TMPRSS7: variants seen among roughly 807,000 people sequenced by gnomAD.
The protein encoded by TMPRSS7 is transmembrane serine protease 7, also known as transmembrane protease serine 7.
A neutral mutation model predicts 95.6 loss-of-function variants in TMPRSS7; 81 were observed. The ratio of observed to expected loss-of-function variants is 0.85; its 90% CI spans 0.71 to 1.02. The LOEUF is 1.02. TMPRSS7 is among the 50% of genes least tolerant of loss of function. The pLI is 0.00. For missense variants in TMPRSS7, 945 were observed against 955.2 expected (o/e 0.99, Z 0.14); for synonymous variants, 364 against 337.8 (o/e 1.08, Z -0.85).
intron 5 of TMPRSS7, among the ~76,000 whole-genome samples, chr3:112,046,647 A>G (rs1170181229): frequency 1.3e-5 from 2 of 152,250 alleles, no homozygotes; most frequent in Non-Finnish European, 2.9e-5. Context: ...TAGGACTAAT[A>G]TCATATTTGT....
chr3:112,058,785 A>G (rs1274454651), intron 10 of TMPRSS7, among the ~76,000 whole-genome samples: 10 of 152,204 alleles, frequency 6.6e-5, no homozygotes, highest in Non-Finnish European at 2.9e-5. Flanking sequence ...TTGCTGCCTA[A>G]GTAGGAGCAG....
chr3:112,041,997 C>T lies in TMPRSS7; in HGVS notation c.376C>T (p.Arg126Ter), dbSNP rs1287242675. The change falls in exon 3 of 18, where the codon CGA (arginine) becomes TGA (stop). Residue 126 changes from arginine (R) to a stop codon, truncating the protein, a stop_gained. Coordinates refer to ENST00000452346, the Ensembl canonical transcript of TMPRSS7. LOFTEE classifies it high-confidence loss of function. ...CAACATTGAGTTTCTTCCCGAATAC[C>T]GACAAAAGGAGTCCAGGGAATTTCT... The T allele has an allele frequency of 8.4e-6, 13 of 1,551,386 alleles. No homozygotes were observed. Among genetic ancestry groups the T allele is most frequent in the Middle Eastern group, 1.7e-4 (1 of 6,014 alleles).
chr3:112,064,257 G>T (rs1288524429), intron 12 of TMPRSS7, among the ~76,000 whole-genome samples: 1 of 152,204 alleles, frequency 6.6e-6, no homozygotes, highest in Non-Finnish European at 1.5e-5. Flanking sequence ...CTCAGAATTT[G>T]CAGAGAAGTG....
intron 5 of TMPRSS7, 95 bp from the exon 6 acceptor site, chr3:112,046,878 CT>C: frequency 2.9e-6 from 2 of 687,824 alleles, no homozygotes; most frequent in Non-Finnish European, 5.3e-6. Flanking sequence ...GTTTGATTGC[CT>C]TTAAAGAAGG....
Position 112,050,659 on chromosome 3 carries a change from T to C in TMPRSS7, c.1091-12T>C. Reference sequence around the variant, plus strand: ...CTGCAAATCATTGTGTGTCACTGGGTATCTTTTCCAGAGTGTGAAAACACA... The same window carrying C: ...CTGCAAATCATTGTGTGTCACTGGGCATCTTTTCCAGAGTGTGAAAACACA... On this transcript the variant is annotated splice_polypyrimidine_tract_variant and intron_variant, in intron 8 of 17. Transcript: ENST00000452346. 6.6e-7 allele frequency: 1 copy of C among 1,511,144 alleles called. No individual in the cohort carries two copies. The allele number at this position is 1,511,144 out of a possible 1,614,324, so 93.6% of individuals were successfully genotyped here. A position where few individuals can be genotyped will look rare whatever the true frequency, so the allele number is the denominator to read the frequency against.
chr3:112,042,077 A>C, intron 3 of TMPRSS7, 27 bp downstream of exon 3: 1 of 1,542,234 alleles, frequency 6.5e-7, no homozygotes, highest in South Asian at 1.2e-5. Flanking sequence ...AGAGGGTATT[A>C]GGGTAGAGTG....
At chr3:112,059,289 C>T (rs1272543038) in intron 10 of TMPRSS7, among the ~76,000 whole-genome samples, 2 of 152,180 alleles carry the variant, frequency 1.3e-5, no homozygotes, top group East Asian at 3.8e-4. Context: ...AGTTATTTCA[C>T]GTCTTTATGT....
chr3:112,061,321 G>A (rs2073502091), intron 10 of TMPRSS7, among the ~76,000 whole-genome samples: 1 of 152,176 alleles, frequency 6.6e-6, no homozygotes, highest in Non-Finnish European at 1.5e-5. Context: ...AAGCCCTTAT[G>A]TGCACGTCAG....
intron 13 of TMPRSS7, among the ~76,000 whole-genome samples, chr3:112,069,800 T>C (rs1233863415): frequency 1.3e-5 from 2 of 152,212 alleles, no homozygotes; most frequent in East Asian, 3.8e-4. Context: ...GATTTTTTTT[T>C]GAAGGGTTTT....
intron 15 of TMPRSS7, among the ~76,000 whole-genome samples, chr3:112,076,471 A>G (rs16859152): frequency 0.018 from 2,813 of 152,318 alleles, 149 homozygotes; most frequent in East Asian, 0.13. Context: ...TGGTATTCAT[A>G]TCATTTGAAT....
intron 9 of TMPRSS7, among the ~76,000 whole-genome samples, chr3:112,055,454 G>GACACACACACACACACACACACAC (rs142185504): frequency 1.7e-4 from 25 of 148,952 alleles, no homozygotes; most frequent in South Asian, 4.3e-4. Context: ...CACTTGCGCA[G>GACACACACACACACACACACACAC]ACACACACAC....
chr3:112,041,128 C>A (rs6765851), intron 2 of TMPRSS7, among the ~76,000 whole-genome samples: 580 of 150,120 alleles, frequency 3.9e-3, no homozygotes, highest in Non-Finnish European at 5.5e-3. Flanking sequence ...AATAAAAAAA[C>A]CAAAAACCAA....
At chr3:112,073,484 G>A (rs2073676380) in intron 13 of TMPRSS7, among the ~76,000 whole-genome samples, 1 of 152,128 alleles carries the variant, frequency 6.6e-6, no homozygotes, top group African/African-American at 2.4e-5. Context: ...TTTCTCTGAT[G>A]ACCAGTGATG....
intron 14 of TMPRSS7, 23 bp downstream of exon 14, chr3:112,074,435 G>T: frequency 1.3e-6 from 2 of 1,541,022 alleles, no homozygotes; most frequent in South Asian, 2.3e-5. Flanking sequence ...TCATTCCTTT[G>T]GGTTCCTGTA....
At chr3:112,058,533 A>G (rs968299983) in intron 10 of TMPRSS7, among the ~76,000 whole-genome samples, 1 of 152,240 alleles carries the variant, frequency 6.6e-6, no homozygotes, top group African/African-American at 2.4e-5. Flanking sequence ...AAAAAATACT[A>G]GCTATTATTA....
At chr3:112,049,564 C>T (rs1185354243) in intron 7 of TMPRSS7, among the ~76,000 whole-genome samples, 1 of 152,172 alleles carries the variant, frequency 6.6e-6, no homozygotes, top group Non-Finnish European at 1.5e-5. Flanking sequence ...CCATTAGATA[C>T]ACTACTTTTA....
At chr3:112,051,543 CTA>C (rs1284800541) in intron 9 of TMPRSS7, among the ~76,000 whole-genome samples, 2 of 150,924 alleles carry the variant, frequency 1.3e-5, no homozygotes, top group African/African-American at 4.9e-5. Context: ...ATCTATCTAT[CTA>C]TCTATCTATC....
chr3:112,043,843 A>G (rs1339895726), intron 3 of TMPRSS7, among the ~76,000 whole-genome samples: 1 of 152,186 alleles, frequency 6.6e-6, no homozygotes, highest in Non-Finnish European at 1.5e-5. Flanking sequence ...GGCTAATGTG[A>G]GAATGTGTCC....
chr3:112,075,241 C>T, intron 14 of TMPRSS7, 80 bp from the exon 15 acceptor site: 1 of 1,340,126 alleles, frequency 7.5e-7, no homozygotes, highest in Non-Finnish European at 9.8e-7. Flanking sequence ...AGTCAGTTCC[C>T]AGCCAGCACT....
Sources: gnomAD v4.1 joint callset for allele counts (sites outside exome capture counted in the v4.1 genomes callset) on GRCh38, gnomAD v4.1.1 for gene constraint, MANE v1.5 for transcripts, NCBI Gene and HGNC (gene_info 2026-07-23, HGNC 2026-07-21) for gene names.